CDH4: variants seen among roughly 807,000 people sequenced by gnomAD.
CDH4 encodes cadherin-4.
In CDH4, 33 loss-of-function variants were observed where a neutral mutation model predicts 86.0. The observed-to-expected ratio is 0.38, with a 90% CI of 0.29 to 0.51. CDH4 has a LOEUF of 0.51. Ranked by LOEUF, CDH4 falls within the 20% of genes least tolerant of loss-of-function variation. The pLI is 0.86. For missense variants in CDH4, 1,114 were observed against 1,307.4 expected, an observed-to-expected ratio of 0.85 and a Z score of 2.28; for synonymous variants, 555 against 549.4, an observed-to-expected ratio of 1.01 and a Z score of -0.14.
intron 2 of CDH4, among the ~76,000 whole-genome samples, chr20:61,576,619 A>T (rs950458152): frequency 1.2e-4 from 19 of 152,156 alleles, no homozygotes; most frequent in Admixed American, 5.2e-4. Context: ...GGCAGACATC[A>T]CTTATCAACC....
At chr20:61,766,863 TGTCCCCAA>T (rs1418929099) in intron 3 of CDH4, among the ~76,000 whole-genome samples, 1 of 152,222 alleles carries the variant, frequency 6.6e-6, no homozygotes, top group African/African-American at 2.4e-5. Context: ...TGAGTATTTC[TGTCCCCAA>T]GTCCCCAGTG....
At chr20:61,297,396 CAG>C (rs1250492839) in intron 2 of CDH4, among the ~76,000 whole-genome samples, 1 of 151,894 alleles carries the variant, frequency 6.6e-6, no homozygotes, top group Admixed American at 6.5e-5. Flanking sequence ...TCTCAAAAAA[CAG>C]AAAAAAAAAG....
chr20:61,611,522 G>A (rs937646708), intron 2 of CDH4, among the ~76,000 whole-genome samples: 25 of 151,998 alleles, frequency 1.6e-4, no homozygotes, highest in African/African-American at 5.8e-4. Context: ...GGCTCCCTCT[G>A]GCTTCCTGTG....
intron 2 of CDH4, among the ~76,000 whole-genome samples, chr20:61,618,750 C>T (rs1437447490): frequency 6.6e-6 from 1 of 152,208 alleles, no homozygotes; most frequent in Admixed American, 6.5e-5. Context: ...AGAATTCACT[C>T]GTGTGAGCAA....
intron 2 of CDH4, among the ~76,000 whole-genome samples, chr20:61,704,117 A>G (rs2087805346): frequency 6.6e-6 from 1 of 151,846 alleles, no homozygotes; most frequent in African/African-American, 2.4e-5. Flanking sequence ...GCTGAAACGC[A>G]TTTCCATGGG....
Position 61,810,209 on chromosome 20 carries a change from A to G in CDH4, c.577-34459A>G, listed in dbSNP as rs1229173252. ...GAGGGAGGCCGGGCCAGCCACACTAACATCCCACTGGCAGACCCCGGGAAA... is the reference window on the plus strand; with the variant it reads ...GAGGGAGGCCGGGCCAGCCACACTAGCATCCCACTGGCAGACCCCGGGAAA... On this transcript the variant is annotated intron_variant, in intron 4 of 15. Transcript: ENST00000614565. The surrounding 1 kb of genome is among the most constrained non-coding windows in gnomAD (Gnocchi z 4.3). Among the ~76,000 whole-genome samples the G allele has an allele frequency of 6.6e-6, 1 of 152,158 alleles. No individual in the cohort carries two copies.
chr20:61,442,879 C>CTGAATCACCCCATGGTGGGGGCTGCCT (rs2085321814), intron 2 of CDH4, among the ~76,000 whole-genome samples: 1 of 152,236 alleles, frequency 6.6e-6, no homozygotes, highest in Admixed American at 6.5e-5. Flanking sequence ...GCCTCAGGGG[C>CTGAATCACCCCATGGTGGGGGCTGCCT]TGAATCACCC....
At chr20:61,865,314 G>A (rs1983496835) in intron 6 of CDH4, among the ~76,000 whole-genome samples, 1 of 152,170 alleles carries the variant, frequency 6.6e-6, no homozygotes, top group South Asian at 2.1e-4. Flanking sequence ...GGTTTATGCA[G>A]GTGATAACTG....
chr20:61,681,099 G>A lies in CDH4; in HGVS notation c.170-62464G>A, dbSNP rs1042117635. On this transcript the variant is annotated intron_variant, in intron 2 of 15. Coordinates refer to ENST00000614565, the MANE Select transcript of CDH4 (RefSeq NM_001794.5). The surrounding 1 kb of genome is among the most constrained non-coding windows in gnomAD (Gnocchi z 4.5). ...TGTGCCGTGCAATTATTAACACATC[G>A]CTTGAGGGCATTGTGGATGTGGGCC... is the stretch of plus-strand genomic sequence containing the variant. 2.6e-5 allele frequency among the ~76,000 whole-genome samples: 4 copies of A among 152,238 alleles called. No individual in the cohort carries two copies. Among genetic ancestry groups the A allele is most frequent in the South Asian group, 2.1e-4 (1 of 4,814 alleles).
rs551488021 is a variant in CDH4, at chr20:61,807,813, A to C, written c.576+34631A>C. Among the ~76,000 whole-genome samples the C allele has an allele frequency of 1.3e-5, 2 of 152,326 alleles. No individual in the cohort carries two copies. The highest frequency in any genetic ancestry group is 3.9e-4 in the East Asian group (2 of 5,166). ...GGGAAGTGATAGGACGTCTCTGCAC[A>C]CAGCACATATCCATGCAGGATGGTC... On this transcript the variant is annotated intron_variant, in intron 4 of 15. Coordinates refer to ENST00000614565, the MANE Select transcript of CDH4 (RefSeq NM_001794.5). This position sits in a 1 kb window ranked among gnomAD's most constrained non-coding sequence, Gnocchi z 4.5.
At chr20:61,308,432 G>A (rs754902029) in intron 2 of CDH4, among the ~76,000 whole-genome samples, 2 of 152,170 alleles carry the variant, frequency 1.3e-5, no homozygotes, top group South Asian at 4.2e-4. Context: ...AGGTGAAGTC[G>A]GTGACACCCT....
At chr20:61,352,233 T>C (rs1202757334) in intron 2 of CDH4, among the ~76,000 whole-genome samples, 5 of 152,236 alleles carry the variant, frequency 3.3e-5, no homozygotes, top group Non-Finnish European at 7.3e-5. Flanking sequence ...TAAGTGACAA[T>C]GTGCAAAGTT....
chr20:61,843,748 C>T (rs1379426363), intron 4 of CDH4, among the ~76,000 whole-genome samples: 1 of 151,742 alleles, frequency 6.6e-6, no homozygotes, highest in Non-Finnish European at 1.5e-5. Context: ...TTGGGGTTTC[C>T]GCTATGGCCC....
Position 61,933,058 on chromosome 20 carries a change from C to A in CDH4, c.2313C>A (p.Asp771Glu), listed in dbSNP as rs1568897752. ...GCCACACGAAGCAGCTGCTCATTGA[C>A]CCCGAGGACGACGTCCGCGACAACA... ...KERHTKQLLI[D>E]PEDDVRDNIL... The change falls in exon 14 of 16, where the codon GAC becomes GAA. Residue 771 changes from aspartate (D) to glutamate (E), a missense_variant. Transcript: ENST00000614565. 1 of 1,613,286 alleles carries A rather than the reference C, an allele frequency of 6.2e-7. No homozygotes were observed. The highest frequency in any genetic ancestry group is 2.2e-5 in the East Asian group (1 of 44,878).
chr20:61,906,796 T>TG (rs912956389), intron 8 of CDH4, among the ~76,000 whole-genome samples: 32 of 151,936 alleles, frequency 2.1e-4, no homozygotes, highest in African/African-American at 7.5e-4. Context: ...GCAGAGGGAA[T>TG]GGCCCGGGGT....
intron 4 of CDH4, among the ~76,000 whole-genome samples, chr20:61,805,585 CG>C (rs1340468762): frequency 1.3e-5 from 2 of 152,220 alleles, no homozygotes; most frequent in African/African-American, 2.4e-5. Flanking sequence ...GCAGCCTGCC[CG>C]GGGGTCTCGG....
intron 2 of CDH4, among the ~76,000 whole-genome samples, chr20:61,390,248 A>G (rs559054426): frequency 3.5e-5 from 5 of 142,466 alleles, no homozygotes; most frequent in South Asian, 2.5e-4. Flanking sequence ...GGAAACCCCA[A>G]TTGGGTTCGT....
chr20:61,907,703 C>G (rs1467893457), intron 8 of CDH4, among the ~76,000 whole-genome samples: 1 of 152,206 alleles, frequency 6.6e-6, no homozygotes, highest in Non-Finnish European at 1.5e-5. Context: ...GTCAGCGTCT[C>G]CAGGCCTCCC....
chr20:61,626,444 C>G (rs1474384070), intron 2 of CDH4, among the ~76,000 whole-genome samples: 1 of 142,480 alleles, frequency 7.0e-6, no homozygotes, highest in Non-Finnish European at 1.5e-5. Flanking sequence ...ACGTGACTTG[C>G]AGAAGCAGAA....
Sources: allele counts gnomAD v4.1 joint callset (sites outside exome capture counted in the v4.1 genomes callset), GRCh38; gene constraint gnomAD v4.1.1; non-coding constraint Gnocchi (gnomAD v3.1); transcripts MANE v1.5; gene names NCBI Gene and HGNC (gene_info 2026-07-23, HGNC 2026-07-21).